Variants in DTNB observed in about 807,000 individuals in gnomAD.
The protein encoded by DTNB is dystrobrevin beta, also known as DTN-B.
A neutral mutation model predicts 90.7 loss-of-function variants in DTNB; 63 were observed. The observed-to-expected ratio is 0.69, with a 90% confidence interval of 0.57 to 0.86. The LOEUF (loss-of-function observed/expected upper bound fraction) is 0.86, where lower values mean the gene tolerates loss of function less well. Ranked by LOEUF, DTNB falls within the 40% of genes least tolerant of loss-of-function variation. The probability of loss-of-function intolerance (pLI) is 0.00; values close to 1 mark genes in which losing one functional copy is unlikely to be tolerated. For missense variants in DTNB, 744 were observed against 807.1 expected (o/e 0.92, Z 0.95); for synonymous variants, 277 against 286.7 (o/e 0.97, Z 0.34).
chr2:25,659,022 C>T (rs1278400892), intron 1 of DTNB, among the ~76,000 whole-genome samples: 1 of 151,962 alleles, frequency 6.6e-6, no homozygotes, highest in Non-Finnish European at 1.5e-5. Context: ...CCCTGCTTCT[C>T]TAAGTTTCGG....
intron 4 of DTNB, among the ~76,000 whole-genome samples, chr2:25,619,463 A>G (rs556842748): frequency 3.1e-4 from 47 of 152,230 alleles, no homozygotes; most frequent in Non-Finnish European, 5.3e-4. Context: ...AGTAAAATCA[A>G]CTTAGAATAT....
At chr2:25,568,380 G>A (rs796561436) in intron 8 of DTNB, among the ~76,000 whole-genome samples, 4 of 151,976 alleles carry the variant, frequency 2.6e-5, no homozygotes, top group African/African-American at 9.7e-5. Flanking sequence ...GAAGTACGCA[G>A]GCATGGAGGG....
At chr2:25,594,110 A>T (rs1364269617) in intron 6 of DTNB, among the ~76,000 whole-genome samples, 1 of 152,200 alleles carries the variant, frequency 6.6e-6, no homozygotes. Context: ...TGACTTCATC[A>T]TACTCATCTT....
At chr2:25,666,091 G>A (rs1203991094) in intron 1 of DTNB, among the ~76,000 whole-genome samples, 1 of 152,126 alleles carries the variant, frequency 6.6e-6, no homozygotes, top group East Asian at 1.9e-4. Context: ...GATTACTACA[G>A]CATTTCAGCC....
chr2:25,378,436 G>A (rs532375237), intron 20 of DTNB, among the ~76,000 whole-genome samples: 2 of 152,338 alleles, frequency 1.3e-5, no homozygotes, highest in East Asian at 1.9e-4. Context: ...GGCCTGGCGC[G>A]GTTGGGCAGA....
chr2:25,470,922 C>A (rs929720680), intron 10 of DTNB, among the ~76,000 whole-genome samples: 1 of 152,068 alleles, frequency 6.6e-6, no homozygotes, highest in African/African-American at 2.4e-5. Flanking sequence ...AAGGCACTAG[C>A]GTGGAAGAGA....
chr2:25,504,514 AGAAAGAAG>A (rs1482948213), intron 9 of DTNB, among the ~76,000 whole-genome samples: 4 of 150,668 alleles, frequency 2.7e-5, no homozygotes, highest in African/African-American at 7.3e-5. Flanking sequence ...AGGAAAGGCA[AGAAAGAAG>A]GAAAGAAGGA....
intron 10 of DTNB, among the ~76,000 whole-genome samples, chr2:25,476,003 T>A (rs1422281499): frequency 6.6e-6 from 1 of 152,042 alleles, no homozygotes; most frequent in Admixed American, 6.6e-5. Flanking sequence ...TACAAGGAGA[T>A]GAATGTTGCT....
intron 8 of DTNB, among the ~76,000 whole-genome samples, chr2:25,571,759 C>T (rs1423425447): frequency 6.6e-6 from 1 of 152,150 alleles, no homozygotes; most frequent in African/African-American, 2.4e-5. Context: ...GGACTTCTGC[C>T]TCAGCCAGTT....
intron 16 of DTNB, among the ~76,000 whole-genome samples, chr2:25,389,206 T>C (rs1355140796): frequency 6.6e-6 from 1 of 152,240 alleles, no homozygotes; most frequent in Non-Finnish European, 1.5e-5. Context: ...AGACGTTGTG[T>C]CAGGCCACAC....
intron 9 of DTNB, among the ~76,000 whole-genome samples, chr2:25,483,847 A>G (rs2065498616): frequency 6.6e-6 from 1 of 152,252 alleles, no homozygotes; most frequent in Non-Finnish European, 1.5e-5. Context: ...CATGTGCCAC[A>G]CAATGATGTT....
chr2:25,607,012 T>A (rs891558269), intron 5 of DTNB, among the ~76,000 whole-genome samples: 2 of 152,232 alleles, frequency 1.3e-5, no homozygotes, highest in Admixed American at 6.5e-5. Context: ...TCTGAGTCTT[T>A]TCCATTTTCT....
In DTNB at chr2:25,524,422, TG is replaced by T. The variant is rs1299397711; in HGVS notation, c.1001+7050del. ...AGAGCTTTTTTTTTTTTTTTTTTGG[TG>T]GGGGGGGTGGTCTGCTGACTATATT... On this transcript the variant is annotated intron_variant, in intron 9 of 20. Transcript: ENST00000406818. 1.7e-3 allele frequency among the ~76,000 whole-genome samples: 225 copies of T among 131,698 alleles called. 4 individuals carry two copies. The highest frequency in any genetic ancestry group is 8.1e-3 in the Admixed American group (101 of 12,534). The allele number at this position is 131,698 out of a possible 152,430, so 86.4% of individuals were successfully genotyped here. A position where few individuals can be genotyped will look rare whatever the true frequency, so the allele number is the denominator to read the frequency against.
intron 16 of DTNB, among the ~76,000 whole-genome samples, chr2:25,394,451 A>G (rs750400016): frequency 6.6e-6 from 1 of 152,210 alleles, no homozygotes; most frequent in Non-Finnish European, 1.5e-5. Flanking sequence ...CAAAGTTAAC[A>G]AACAACCCAC....
At chr2:25,509,397 C>T (rs561643277) in intron 9 of DTNB, among the ~76,000 whole-genome samples, 2 of 152,134 alleles carry the variant, frequency 1.3e-5, no homozygotes, top group African/African-American at 2.4e-5. Context: ...TGTCAAATGC[C>T]TAAGATCATT....
At chr2:25,418,575 T>A (rs1015640360) in intron 16 of DTNB, among the ~76,000 whole-genome samples, 4 of 151,968 alleles carry the variant, frequency 2.6e-5, no homozygotes, top group African/African-American at 9.7e-5. Context: ...GGTGCGTGAC[T>A]GTAGTCCCAG....
intron 14 of DTNB, among the ~76,000 whole-genome samples, chr2:25,431,986 A>G (rs1340218128): frequency 6.6e-6 from 1 of 152,168 alleles, no homozygotes; most frequent in Admixed American, 6.5e-5. Flanking sequence ...CTCTACTATG[A>G]CAACTTTTAT....
chr2:25,638,838 T>C (rs975898171), intron 3 of DTNB, among the ~76,000 whole-genome samples, 176 bp downstream of exon 3: 4 of 152,184 alleles, frequency 2.6e-5, no homozygotes, highest in African/African-American at 9.7e-5. Context: ...TGTTAAACAT[T>C]TTGAAGGACA....
chr2:25,503,307 A>G (rs906032516), intron 9 of DTNB, among the ~76,000 whole-genome samples: 6 of 151,820 alleles, frequency 4.0e-5, no homozygotes, highest in Non-Finnish European at 8.8e-5. Context: ...TGGACAACAT[A>G]GAGAGACTCT....
Sources: gnomAD v4.1 joint callset for allele counts (sites outside exome capture counted in the v4.1 genomes callset) on GRCh38, gnomAD v4.1.1 for gene constraint, MANE v1.5 for transcripts, NCBI Gene and HGNC (gene_info 2026-07-23, HGNC 2026-07-21) for gene names.